The following DRC12 variants were observed in gnomAD, a reference collection of about 807,000 sequenced individuals.
The protein encoded by DRC12 is dynein regulatory complex subunit 12 homolog, also known as dynein regulatory complex protein 12.
At chr11:119,194,541 A>AAAAG in the DRC12 span, among the ~76,000 whole-genome samples, 438 of 66,000 alleles carry the variant, frequency 6.6e-3, 77 homozygotes, top group East Asian at 0.018. Context: ...AAAAAAAAAA[A>AAAAG]AAAATAAATA....
the DRC12 span, chr11:119,190,337 G>C: frequency 5.0e-6 from 8 of 1,614,184 alleles, no homozygotes; most frequent in South Asian, 6.6e-5. This position sits in a 1 kb window ranked among gnomAD's most constrained non-coding sequence, Gnocchi z 4.2. Context: ...AGATCCAGGG[G>C]GGGTGAGTCC....
chr11:119,193,981 G>T, the DRC12 span: 1 of 1,260,730 alleles, frequency 7.9e-7, no homozygotes, highest in Non-Finnish European at 1.1e-6. Flanking sequence ...TAGAAATCTG[G>T]TGGTGGGGTG....
chr11:119,190,701 G>C, the DRC12 span: 39 of 1,611,782 alleles, frequency 2.4e-5, no homozygotes, highest in South Asian at 4.3e-4. This position sits in a 1 kb window ranked among gnomAD's most constrained non-coding sequence, Gnocchi z 4.2. Flanking sequence ...TCCAGGGGGT[G>C]GTGCTTACGT....
At chr11:119,193,528 T>C in the DRC12 span, 4 of 1,368,462 alleles carry the variant, frequency 2.9e-6, no homozygotes, top group Non-Finnish European at 3.8e-6. Flanking sequence ...ATGTGTATCC[T>C]ACACAGCATC....
At chr11:119,194,852 C>A in the DRC12 span, 1 of 1,153,640 alleles carries the variant, frequency 8.7e-7, no homozygotes, top group Non-Finnish European at 1.2e-6. Flanking sequence ...ACTCTCCAAT[C>A]CCCCAGGATA....
chr11:119,193,853 C>G, the DRC12 span: 2 of 1,551,578 alleles, frequency 1.3e-6, no homozygotes, highest in Non-Finnish European at 1.7e-6. Context: ...TCTTCGGAAG[C>G]CTTGGCTCGA....
At chr11:119,193,497 T>G in the DRC12 span, 1 of 1,243,618 alleles carries the variant, frequency 8.0e-7, no homozygotes, top group Non-Finnish European at 1.1e-6. Flanking sequence ...ATGGGCTGAT[T>G]GAGATGATGG....
the DRC12 span, among the ~76,000 whole-genome samples, chr11:119,192,274 T>C: frequency 8.4e-4 from 128 of 151,900 alleles, no homozygotes; most frequent in Middle Eastern, 3.4e-3. Flanking sequence ...CCGCACCCGG[T>C]TGAAGGCATT....
the DRC12 span, chr11:119,190,598 A>G: frequency 6.4e-7 from 1 of 1,551,128 alleles, no homozygotes; most frequent in Non-Finnish European, 8.8e-7. This position sits in a 1 kb window ranked among gnomAD's most constrained non-coding sequence, Gnocchi z 4.2. Flanking sequence ...GCTCCCTTGG[A>G]GACGCTCCTT....
chr11:119,195,662 T>C, the DRC12 span: 1 of 604,614 alleles, frequency 1.7e-6, no homozygotes, highest in Middle Eastern at 4.4e-4. Flanking sequence ...TTGGGGTCAG[T>C]GGGGAGGATG....
the DRC12 span, chr11:119,193,571 C>G: frequency 7.0e-7 from 1 of 1,433,384 alleles, no homozygotes; most frequent in South Asian, 1.5e-5. Flanking sequence ...TGGAAGGCCC[C>G]TGCCTGGGAT....
At chr11:119,195,362 C>A in the DRC12 span, 4 of 1,438,954 alleles carry the variant, frequency 2.8e-6, no homozygotes, top group Non-Finnish European at 3.8e-6. Flanking sequence ...TGGAGGAGCT[C>A]TGCGTGGTCT....
chr11:119,192,757 C>T, the DRC12 span, among the ~76,000 whole-genome samples: 23 of 152,276 alleles, frequency 1.5e-4, no homozygotes, highest in South Asian at 2.1e-3. Flanking sequence ...AGCGATTCTC[C>T]TGCTTCAGCC....
chr11:119,190,309 AG>A, the DRC12 span: 1 of 1,614,178 alleles, frequency 6.2e-7, no homozygotes, highest in South Asian at 1.1e-5. The surrounding 1 kb of genome is among the most constrained non-coding windows in gnomAD (Gnocchi z 4.2). Flanking sequence ...ACTAGAGACT[AG>A]GGGCTGGTGG....
At chr11:119,190,378 G>A in the DRC12 span, 1,267 of 1,613,834 alleles carry the variant, frequency 7.9e-4, 4 homozygotes, top group African/African-American at 0.011. The surrounding 1 kb of genome is among the most constrained non-coding windows in gnomAD (Gnocchi z 4.2). Context: ...TGTGCCTGGC[G>A]TGAAGTCTCA....
the DRC12 span, chr11:119,195,323 T>A: frequency 9.0e-7 from 1 of 1,106,326 alleles, no homozygotes; most frequent in Non-Finnish European, 1.3e-6. Flanking sequence ...GAGAGCTCCA[T>A]CCTGTCCTGC....
chr11:119,194,536 A>AT, the DRC12 span, among the ~76,000 whole-genome samples: 250 of 140,414 alleles, frequency 1.8e-3, 4 homozygotes, highest in African/African-American at 6.2e-3. Context: ...AAAAAAAAAA[A>AT]AAAAAAAAAT....
chr11:119,195,125 G>A, the DRC12 span: 6 of 743,752 alleles, frequency 8.1e-6, no homozygotes, highest in Non-Finnish European at 1.1e-5. Context: ...TATCCACAGT[G>A]GCAGAGTCTA....
chr11:119,190,528 G>T, the DRC12 span: 1 of 1,594,240 alleles, frequency 6.3e-7, no homozygotes. This position sits in a 1 kb window ranked among gnomAD's most constrained non-coding sequence, Gnocchi z 4.2. Flanking sequence ...TGGTTCATAA[G>T]CTTTCCTTGC....
Sources: allele counts gnomAD v4.1 joint callset (sites outside exome capture counted in the v4.1 genomes callset), GRCh38; gene constraint gnomAD v4.1.1; non-coding constraint Gnocchi (gnomAD v3.1); transcripts MANE v1.5; gene names NCBI Gene and HGNC (gene_info 2026-07-23, HGNC 2026-07-21).